The following UBAP1 variants were observed in gnomAD, a reference collection of about 807,000 sequenced individuals.
UBAP1 encodes ubiquitin associated protein 1.
A neutral mutation model predicts 39.0 loss-of-function variants in UBAP1; 5 were observed. That is an observed-to-expected ratio of 0.13 (90% CI 0.07 to 0.27). The LOEUF (loss-of-function observed/expected upper bound fraction) is 0.27, where lower values mean the gene tolerates loss of function less well. Ranked by LOEUF, UBAP1 falls within the 10% of genes least tolerant of loss-of-function variation. UBAP1 has a pLI of 1.00. For synonymous variants in UBAP1, 211 were observed against 225.1 expected (o/e 0.94, Z 0.56); for missense variants, 490 against 608.1 (o/e 0.81, Z 2.04).
At position 34,223,494 on chromosome 9, in the gene UBAP1, G is replaced by A. The variant is rs576662190; in HGVS notation, c.34+2546G>A. Among the ~76,000 whole-genome samples, 9 of 151,742 alleles carry A rather than the reference G, an allele frequency of 5.9e-5. No homozygotes were observed. In the East Asian group the frequency reaches 9.7e-4, roughly 16 times the overall value. ...TTTTGAGACAGAGTCTCGCTCTGTC[G>A]CCCAGGCTGGAGTGCAGTAGCACGA... On this transcript the variant is annotated intron_variant, in intron 2 of 6. Transcript: ENST00000297661.
Position 34,249,968 on chromosome 9 carries a change from G to T in UBAP1, c.1266+7G>T. 3.1e-6 allele frequency: 5 copies of T among 1,613,526 alleles called. No homozygotes were observed. Among genetic ancestry groups the T allele is most frequent in the Middle Eastern group, 1.7e-4 (1 of 5,722 alleles). On this transcript the variant is annotated splice_region_variant and intron_variant, in intron 5 of 6. Coordinates refer to ENST00000297661, the MANE Select transcript of UBAP1 (RefSeq NM_016525.5). ...AGGAGAGAATATTGAGCAGGTGAGC[G>T]GTTGGTCAGCCAGGAGGGCAGGCTC...
At chr9:34,233,799 A>G (rs976892288) in intron 2 of UBAP1, among the ~76,000 whole-genome samples, 4 of 152,212 alleles carry the variant, frequency 2.6e-5, no homozygotes, top group Non-Finnish European at 4.4e-5. Flanking sequence ...CATTTGAGCA[A>G]AAACTTGAAG....
At position 34,216,144 on chromosome 9, in the gene UBAP1, C is replaced by T. The variant is rs527536587; in HGVS notation, c.-7-4764C>T. Among the ~76,000 whole-genome samples, 3 of 133,392 alleles carry T rather than the reference C, an allele frequency of 2.2e-5. No homozygotes were observed. The South Asian group carries it at 8.8e-4, about 39-fold the overall frequency. 87.5% of individuals were successfully genotyped at this position (133,392 alleles called of 152,430 possible). A position where few individuals can be genotyped will look rare whatever the true frequency, so the allele number is the denominator to read the frequency against. Reference sequence around the variant, plus strand: ...TATTGACACGCGTCTTTCTGGCCCTCTCCTCTGGAGCACCTCTCTGCTGCC... The same window carrying T: ...TATTGACACGCGTCTTTCTGGCCCTTTCCTCTGGAGCACCTCTCTGCTGCC... On this transcript the variant is annotated intron_variant, in intron 1 of 6. Coordinates refer to ENST00000297661, the MANE Select transcript of UBAP1 (RefSeq NM_016525.5).
chr9:34,180,794 ACTT>A (rs1440342606), intron 1 of UBAP1, among the ~76,000 whole-genome samples: 4 of 130,862 alleles, frequency 3.1e-5, no homozygotes, highest in African/African-American at 1.1e-4. Flanking sequence ...TGGAAAAAAA[ACTT>A]TTTTTTTTTT....
chr9:34,231,856 C>T (rs1470522182), intron 2 of UBAP1, among the ~76,000 whole-genome samples: 1 of 150,684 alleles, frequency 6.6e-6, no homozygotes. Flanking sequence ...TGGTCTTGAT[C>T]TCCTGACCTC....
chr9:34,232,010 T>C (rs987844852), intron 2 of UBAP1, among the ~76,000 whole-genome samples: 10 of 152,034 alleles, frequency 6.6e-5, no homozygotes, highest in African/African-American at 2.4e-4. Flanking sequence ...AGGTAAGTCC[T>C]AAGGTGGTAG....
intron 1 of UBAP1, among the ~76,000 whole-genome samples, chr9:34,201,941 C>A (rs865866798): frequency 1.3e-5 from 2 of 152,120 alleles, no homozygotes; most frequent in African/African-American, 4.8e-5. Context: ...TTTATGTTTA[C>A]TGGTTTATTC....
At chr9:34,182,773 C>T (rs377142721) in intron 1 of UBAP1, among the ~76,000 whole-genome samples, 2 of 151,016 alleles carry the variant, frequency 1.3e-5, no homozygotes, top group South Asian at 2.1e-4. Context: ...TACAGTGGCT[C>T]GATCTCTGCT....
At chr9:34,218,250 C>CAAAAAAAAAAAAA (rs758443973) in intron 1 of UBAP1, among the ~76,000 whole-genome samples, 7 of 49,506 alleles carry the variant, frequency 1.4e-4, no homozygotes, top group Admixed American at 6.0e-4. Flanking sequence ...GACTCCATCT[C>CAAAAAAAAAAAAA]AAAAAAAAAA....
intron 1 of UBAP1, among the ~76,000 whole-genome samples, chr9:34,197,016 C>T (rs1831107309): frequency 6.6e-6 from 1 of 151,606 alleles, no homozygotes; most frequent in South Asian, 2.1e-4. Flanking sequence ...CAACCTCCAC[C>T]TCCTGGGTTC....
rs1830754946 is a variant in UBAP1, at chr9:34,192,046, G to C, written c.-8+12806G>C. 2.0e-5 allele frequency among the ~76,000 whole-genome samples: 3 copies of C among 148,806 alleles called. No homozygotes were observed. In the South Asian group the frequency reaches 6.4e-4, roughly 32 times the overall value. ...TTTTTTAGTGATGGGGTTTTGCTGT[G>C]TTGCCCAGGTTAGTCTCTAATTCCT... On this transcript the variant is annotated intron_variant, in intron 1 of 6. Transcript: ENST00000297661.
intron 1 of UBAP1, among the ~76,000 whole-genome samples, chr9:34,193,889 G>A (rs1485708620): frequency 6.6e-6 from 1 of 152,084 alleles, no homozygotes; most frequent in African/African-American, 2.4e-5. Context: ...CCTCTCTGGG[G>A]AGGGTGTTAA....
At position 34,181,116 on chromosome 9, in the gene UBAP1, C is replaced by CTTTCTTTTTTTTTTTTTTTTTTTT; in HGVS notation, c.-8+1879_-8+1880insCTTTTTTTTTTTTTTTTTTTTTTT. 7.9e-3 allele frequency among the ~76,000 whole-genome samples: 572 copies of CTTTCTTTTTTTTTTTTTTTTTTTT among 72,246 alleles called. 85 individuals carry two copies. The highest frequency in any genetic ancestry group is 0.017 in the Middle Eastern group (1 of 58). The allele number at this position is 72,246 out of a possible 152,430, so 47.4% of individuals were successfully genotyped here. A position where few individuals can be genotyped will look rare whatever the true frequency, so the allele number is the denominator to read the frequency against. ...TGAGCCACCGCACCCGGCCTGTTTT[C>CTTTCTTTTTTTTTTTTTTTTTTTT]TTTTTTTTTTTTTTTTTGAGACAGA... On this transcript the variant is annotated intron_variant, in intron 1 of 6. Coordinates refer to ENST00000297661, the MANE Select transcript of UBAP1 (RefSeq NM_016525.5).
intron 2 of UBAP1, among the ~76,000 whole-genome samples, chr9:34,222,723 G>A (rs1477124308): frequency 2.6e-5 from 4 of 151,872 alleles, no homozygotes; most frequent in South Asian, 2.1e-4. Context: ...TGCTGAGCCC[G>A]GGAGGTCAAG....
In UBAP1 at chr9:34,181,153, T is replaced by A. The variant is rs531042530; in HGVS notation, c.-8+1913T>A. Among the ~76,000 whole-genome samples, 450 of 127,752 alleles carry A rather than the reference T, an allele frequency of 3.5e-3. 3 individuals carry two copies. The highest frequency in any genetic ancestry group is 6.0e-3 in the Non-Finnish European group (358 of 59,848). The allele number at this position is 127,752 out of a possible 152,430, so 83.8% of individuals were successfully genotyped here. A position where few individuals can be genotyped will look rare whatever the true frequency, so the allele number is the denominator to read the frequency against. On this transcript the variant is annotated intron_variant, in intron 1 of 6. Transcript: ENST00000297661. The stretch of plus-strand genomic sequence containing the variant: ...TTTTTTGAGACAGAGTTTCGCTCTG[T>A]GCCCAGGCTGGAGTGCAGTGGCGCA...
At chr9:34,225,792 A>G (rs868732328) in intron 2 of UBAP1, among the ~76,000 whole-genome samples, 43 of 151,366 alleles carry the variant, frequency 2.8e-4, no homozygotes, top group African/African-American at 7.1e-4. Context: ...AAAAAAAAAA[A>G]AAAGAAAAGA....
At chr9:34,228,567 T>C (rs1047665150) in intron 2 of UBAP1, among the ~76,000 whole-genome samples, 4 of 95,060 alleles carry the variant, frequency 4.2e-5, no homozygotes, top group Non-Finnish European at 9.1e-5. Context: ...GCTTTCTTTG[T>C]TTCCCCCCCC....
chr9:34,249,695 A>G (rs1029763576), intron 4 of UBAP1, 84 bp from the exon 5 acceptor site: 2 of 1,355,930 alleles, frequency 1.5e-6, no homozygotes, highest in African/African-American at 1.4e-5. Flanking sequence ...AGTGTCAGAA[A>G]TGCCAACCCC....
intron 1 of UBAP1, among the ~76,000 whole-genome samples, chr9:34,204,671 G>T (rs1447095476): frequency 1.3e-5 from 2 of 152,034 alleles, no homozygotes; most frequent in African/African-American, 4.8e-5. Flanking sequence ...TATGGAAGAA[G>T]CCCTAAAAGT....
Sources: gnomAD v4.1 joint callset for allele counts (sites outside exome capture counted in the v4.1 genomes callset) on GRCh38, gnomAD v4.1.1 for gene constraint, MANE v1.5 for transcripts, NCBI Gene and HGNC (gene_info 2026-07-23, HGNC 2026-07-21) for gene names.